MAD1L1: variants seen among roughly 807,000 people sequenced by gnomAD.
MAD1L1 encodes the protein mitotic arrest deficient 1 like 1, also known as mitotic spindle assembly checkpoint protein MAD1.
MAD1L1 carries 95 observed loss-of-function variants against 96.9 expected under a neutral mutation model. The observed-to-expected ratio is 0.98, with a 90% confidence interval of 0.83 to 1.16. MAD1L1 has a LOEUF of 1.16. Ranked by LOEUF, MAD1L1 falls within the 50% of genes most tolerant of loss-of-function variation. The probability of loss-of-function intolerance (pLI) is 0.00; values close to 1 mark genes in which losing one functional copy is unlikely to be tolerated. For missense variants in MAD1L1, 1,007 were observed against 954.4 expected (o/e 1.06, Z -0.73); for synonymous variants, 473 against 396.6 (o/e 1.19, Z -2.29).
chr7:1,819,376 G>T lies in MAD1L1; in HGVS notation c.1999-3148C>A, dbSNP rs186142224. Among the ~76,000 whole-genome samples, 185 of 152,216 alleles carry T rather than the reference G, an allele frequency of 1.2e-3. 3 individuals are homozygous for T. Among genetic ancestry groups the T allele is most frequent in the African/African-American group, 4.1e-3 (171 of 41,542 alleles). On this transcript the variant is annotated intron_variant, in intron 18 of 18. Coordinates refer to ENST00000265854, the MANE Select transcript of MAD1L1 (RefSeq NM_001013836.2). Reference sequence around the variant, plus strand: ...GGCCCTGTGGCTGGCGGGCGCCCTGGGGGAGACTGAGACACTCACTCTTAA... The same window carrying T: ...GGCCCTGTGGCTGGCGGGCGCCCTGTGGGAGACTGAGACACTCACTCTTAA...
At chr7:1,908,905 T>C (rs1719169876) in intron 17 of MAD1L1, among the ~76,000 whole-genome samples, 2 of 152,226 alleles carry the variant, frequency 1.3e-5, no homozygotes, top group Admixed American at 1.3e-4. Flanking sequence ...GATGTCTCCC[T>C]GGCGGCGGCT....
intron 1 of MAD1L1, among the ~76,000 whole-genome samples, chr7:2,232,516 C>CG: frequency 6.6e-6 from 1 of 152,326 alleles, no homozygotes; most frequent in South Asian, 2.1e-4. Flanking sequence ...CACCCTAGCC[C>CG]GGGGACCCAC....
At chr7:2,202,890 T>A (rs2114959781) in intron 10 of MAD1L1, among the ~76,000 whole-genome samples, 1 of 152,318 alleles carries the variant, frequency 6.6e-6, no homozygotes, top group Non-Finnish European at 1.5e-5. Flanking sequence ...CCCTGAGACT[T>A]GTCATCTGAC....
At chr7:2,139,099 G>C (rs1310092568) in intron 11 of MAD1L1, among the ~76,000 whole-genome samples, 4 of 152,084 alleles carry the variant, frequency 2.6e-5, no homozygotes, top group Admixed American at 6.5e-5. Flanking sequence ...AGCAGGCGAG[G>C]CTGCCTCAGC....
At chr7:2,062,930 A>G (rs929198127) in intron 12 of MAD1L1, among the ~76,000 whole-genome samples, 16 of 152,220 alleles carry the variant, frequency 1.1e-4, no homozygotes, top group African/African-American at 3.4e-4. Flanking sequence ...GGATAACGCT[A>G]AGATAAAAAC....
intron 10 of MAD1L1, among the ~76,000 whole-genome samples, chr7:2,205,667 A>G (rs1792562369): frequency 6.6e-6 from 1 of 152,190 alleles, no homozygotes; most frequent in Non-Finnish European, 1.5e-5. Flanking sequence ...TGCAATCATT[A>G]AACTCCCTCT....
At chr7:1,976,154 G>T (rs999808440) in intron 15 of MAD1L1, among the ~76,000 whole-genome samples, 1 of 152,222 alleles carries the variant, frequency 6.6e-6, no homozygotes, top group African/African-American at 2.4e-5. Flanking sequence ...GGCAAGAGCA[G>T]GCACACATGT....
In MAD1L1 at chr7:1,919,606, G is replaced by A. The variant is rs938189975; in HGVS notation, c.1807+17081C>T. 5.9e-5 allele frequency among the ~76,000 whole-genome samples: 9 copies of A among 152,212 alleles called. No individual in the cohort carries two copies. In the South Asian group the frequency reaches 1.9e-3, roughly 32 times the overall value. On this transcript the variant is annotated intron_variant, in intron 17 of 18. Transcript: ENST00000265854. Reference sequence around the variant, plus strand: ...AGGCCAATGGGCTCAGGCCACAGCCGCCATCGTCGCCATCACCATCATGCT... The same window carrying A: ...AGGCCAATGGGCTCAGGCCACAGCCACCATCGTCGCCATCACCATCATGCT...
At chr7:1,841,337 G>A (rs1383878099) in intron 18 of MAD1L1, among the ~76,000 whole-genome samples, 1 of 152,256 alleles carries the variant, frequency 6.6e-6, no homozygotes, top group African/African-American at 2.4e-5. Context: ...TCCCTGGGCT[G>A]AAGCTGCATC....
intron 17 of MAD1L1, among the ~76,000 whole-genome samples, chr7:1,934,692 AGGCAGAGACCCAGACAAAAAGGGAAGG>A (rs1789682635): frequency 7.2e-6 from 1 of 138,364 alleles, no homozygotes; most frequent in African/African-American, 2.7e-5. Context: ...AACCCGAGAC[AGGCAGAGACCCAGACAAAAAGGGAAGG>A]AACAGACGGG....
At chr7:2,193,936 ATTTTTT>A (rs35067993) in intron 10 of MAD1L1, among the ~76,000 whole-genome samples, 11 of 82,802 alleles carry the variant, frequency 1.3e-4, no homozygotes, top group Non-Finnish European at 1.7e-4. Flanking sequence ...CTCTGCATGG[ATTTTTT>A]TTTTTTTTTT....
chr7:2,231,626 T>C (rs1172289846), intron 1 of MAD1L1, among the ~76,000 whole-genome samples: 1 of 151,622 alleles, frequency 6.6e-6, no homozygotes, highest in Non-Finnish European at 1.5e-5. Context: ...TAATAATTAA[T>C]TAAAAAAAAA....
chr7:1,899,130 C>A (rs1309906853), intron 17 of MAD1L1, among the ~76,000 whole-genome samples: 6 of 152,224 alleles, frequency 3.9e-5, no homozygotes, highest in African/African-American at 1.2e-4. Context: ...AGGGTACAGC[C>A]CCACACCCTG....
At chr7:1,969,210 C>T (rs963308677) in intron 15 of MAD1L1, among the ~76,000 whole-genome samples, 2 of 151,984 alleles carry the variant, frequency 1.3e-5, no homozygotes, top group African/African-American at 2.4e-5. Flanking sequence ...GTGATGAAAC[C>T]CCATCTGTAT....
chr7:2,023,740 G>A (rs1010774814), intron 12 of MAD1L1, among the ~76,000 whole-genome samples: 3 of 152,144 alleles, frequency 2.0e-5, no homozygotes, highest in Admixed American at 2.0e-4. Context: ...CCTGAGGTTG[G>A]GAGTTCAAGA....
At position 2,065,058 on chromosome 7, in the gene MAD1L1, G is replaced by A. The variant is rs558436813; in HGVS notation, c.1218+4136C>T. Reference sequence around the variant, plus strand: ...GGAGAGCAGAGGCTTCTTTCAGGAGGACAGCAGATTCTCAAGGGAGGACAG... The same window carrying A: ...GGAGAGCAGAGGCTTCTTTCAGGAGAACAGCAGATTCTCAAGGGAGGACAG... On this transcript the variant is annotated intron_variant, in intron 12 of 18. Coordinates refer to ENST00000265854, the MANE Select transcript of MAD1L1 (RefSeq NM_001013836.2). Among the ~76,000 whole-genome samples, 4 of 152,332 alleles carry A rather than the reference G, an allele frequency of 2.6e-5. No homozygotes were observed. The South Asian group carries it at 6.2e-4, about 24-fold the overall frequency.
At chr7:1,892,258 G>A (rs1359438316) in intron 18 of MAD1L1, among the ~76,000 whole-genome samples, 3 of 152,190 alleles carry the variant, frequency 2.0e-5, no homozygotes, top group Non-Finnish European at 4.4e-5. Context: ...GCGGGAGGCT[G>A]CACGGCCCAG....
intron 18 of MAD1L1, chr7:1,854,276 G>C: frequency 2.4e-6 from 1 of 408,624 alleles, no homozygotes. Flanking sequence ...GGGGCTGGGA[G>C]TGGCTGAGAC....
intron 11 of MAD1L1, among the ~76,000 whole-genome samples, chr7:2,085,084 T>C (rs574893283): frequency 3.9e-5 from 6 of 152,248 alleles, no homozygotes; most frequent in Admixed American, 3.9e-4. Flanking sequence ...TGAGCAAGAA[T>C]TCAACGCCGG....
Sources: gnomAD v4.1 joint callset for allele counts (sites outside exome capture counted in the v4.1 genomes callset) on GRCh38, gnomAD v4.1.1 for gene constraint, MANE v1.5 for transcripts, NCBI Gene and HGNC (gene_info 2026-07-23, HGNC 2026-07-21) for gene names.